The following ANK3 variants were observed in gnomAD, a reference collection of about 807,000 sequenced individuals.
ANK3 encodes the protein ankyrin-3.
ANK3 carries 57 observed loss-of-function variants against 370.9 expected under a neutral mutation model. That is an observed-to-expected ratio of 0.15 (90% CI 0.12 to 0.19). The LOEUF (loss-of-function observed/expected upper bound fraction) is 0.19, where lower values mean the gene tolerates loss of function less well. ANK3 is among the 10% of genes least tolerant of loss of function. The pLI, the probability that ANK3 is intolerant of heterozygous loss-of-function variation, is 1.00. For missense variants in ANK3, 4,439 were observed against 5,302.1 expected (o/e 0.84, Z 5.06); for synonymous variants, 1,929 against 1,946.3 (o/e 0.99, Z 0.23).
intron 25 of ANK3, among the ~76,000 whole-genome samples, chr10:60,126,595 T>C (rs1451991257): frequency 1.3e-5 from 2 of 151,112 alleles, no homozygotes; most frequent in Non-Finnish European, 2.9e-5. Flanking sequence ...GGCTGAGGCA[T>C]GAAAACTGCT....
At chr10:60,726,086 A>C (rs1381131750) in intron 1 of ANK3, among the ~76,000 whole-genome samples, 3 of 152,192 alleles carry the variant, frequency 2.0e-5, no homozygotes, top group African/African-American at 7.2e-5. Flanking sequence ...CAACGATGAT[A>C]GCTTCTGGTA....
chr10:60,393,093 A>G (rs2063146474), upstream of ANK3, among the ~76,000 whole-genome samples: 1 of 152,238 alleles, frequency 6.6e-6, no homozygotes, highest in Admixed American at 6.5e-5. Flanking sequence ...GTACAGAGAG[A>G]TCTTTCAAAT....
chr10:60,167,092 A>T (rs527851758), intron 21 of ANK3, among the ~76,000 whole-genome samples, 196 bp from the exon 22 acceptor site: 1 of 152,336 alleles, frequency 6.6e-6, no homozygotes, highest in East Asian at 1.9e-4. Context: ...GCACAGGAGT[A>T]CAAAATGAAA....
At chr10:60,366,600 G>C (rs1275344240) in intron 1 of ANK3, among the ~76,000 whole-genome samples, 1 of 151,962 alleles carries the variant, frequency 6.6e-6, no homozygotes, top group Admixed American at 6.6e-5. Flanking sequence ...GAAGAAAGAA[G>C]GGGGAAGAAG....
intron 21 of ANK3, among the ~76,000 whole-genome samples, chr10:60,169,163 C>T (rs1361422166): frequency 6.6e-6 from 1 of 152,152 alleles, no homozygotes; most frequent in Non-Finnish European, 1.5e-5. Flanking sequence ...TGCCCACCAA[C>T]AGTGTAAAAG....
intron 1 of ANK3, among the ~76,000 whole-genome samples, chr10:60,355,400 C>T (rs2057565757): frequency 6.6e-6 from 1 of 152,024 alleles, no homozygotes; most frequent in African/African-American, 2.4e-5. Flanking sequence ...GTGCCACTGT[C>T]TTGAATAGCC....
At chr10:60,701,208 C>T (rs2079541373) in intron 1 of ANK3, among the ~76,000 whole-genome samples, 1 of 151,678 alleles carries the variant, frequency 6.6e-6, no homozygotes, top group Non-Finnish European at 1.5e-5. Flanking sequence ...TTATTTTACT[C>T]ATTAAATTGG....
chr10:60,632,480 A>G (rs1431423218), intron 1 of ANK3, among the ~76,000 whole-genome samples: 2 of 152,194 alleles, frequency 1.3e-5, no homozygotes, highest in African/African-American at 2.4e-5. Context: ...AGGGCATGGT[A>G]GCTCGTACCT....
At chr10:60,210,587 C>A (rs559166322) in intron 9 of ANK3, among the ~76,000 whole-genome samples, 1 of 152,166 alleles carries the variant, frequency 6.6e-6, no homozygotes, top group African/African-American at 2.4e-5. Context: ...GACTTCTGAT[C>A]AAACACAGCA....
At chr10:60,097,410 G>C (rs2090354371) in intron 28 of ANK3, among the ~76,000 whole-genome samples, 1 of 152,146 alleles carries the variant, frequency 6.6e-6, no homozygotes, top group Admixed American at 6.5e-5. Flanking sequence ...TAAGCAGCAG[G>C]CCTGATTACA....
chr10:60,035,931 A>G (rs1340125168), intron 43 of ANK3, among the ~76,000 whole-genome samples: 3 of 152,058 alleles, frequency 2.0e-5, no homozygotes, highest in African/African-American at 7.2e-5. Flanking sequence ...TATTTACTCT[A>G]TATGAATTCC....
chr10:60,199,978 T>A, intron 13 of ANK3, 151 bp downstream of exon 13: 1 of 613,818 alleles, frequency 1.6e-6, no homozygotes, highest in South Asian at 2.0e-5. Context: ...AGGGATTTTT[T>A]ACAATGTTAC....
rs908094412 is a variant in ANK3 at position 60,083,571 on chromosome 10, G to C, written c.4121C>G (p.Ala1374Gly). 1 of 1,610,488 alleles carries C rather than the reference G, an allele frequency of 6.2e-7. No individual in the cohort carries two copies. Among genetic ancestry groups the C allele is most frequent in the Non-Finnish European group, 8.5e-7 (1 of 1,178,238 alleles). Reference protein sequence around the residue: ...PIYVDCYGNLAPLTKGGQQLV... With the variant: ...PIYVDCYGNLGPLTKGGQQLV... Reference sequence around the variant, plus strand: ...TTGCTGTCCTCCTTTGGTAAGTGGGGCCAAATTTCCATAACAATCAACATA... The same window carrying C: ...TTGCTGTCCTCCTTTGGTAAGTGGGCCCAAATTTCCATAACAATCAACATA... The change falls in exon 33 of 44, where the codon GCC (alanine) becomes GGC (glycine). Residue 1374 changes from alanine (A) to glycine (G), a missense_variant. By Grantham distance (60) the Ala-to-Gly change is moderately conservative (BLOSUM62 0). This residue lies in a region of ANK3 where 702 missense variants were observed against 941.5 expected (regional missense o/e 0.75). Transcript: ENST00000280772.
At chr10:60,448,446 C>G (rs1210521733) in intron 2 of ANK3, among the ~76,000 whole-genome samples, 1 of 152,208 alleles carries the variant, frequency 6.6e-6, no homozygotes, top group Non-Finnish European at 1.5e-5. Context: ...GGCAGAGGAA[C>G]AGAAAAGCAG....
At chr10:60,465,228 G>A (rs1353948775) in intron 2 of ANK3, among the ~76,000 whole-genome samples, 1 of 150,976 alleles carries the variant, frequency 6.6e-6, no homozygotes, top group East Asian at 1.9e-4. Flanking sequence ...CTGCACTCCA[G>A]TCTCCAGCCT....
At chr10:60,535,383 T>G (rs1054543426) in intron 2 of ANK3, among the ~76,000 whole-genome samples, 2 of 152,130 alleles carry the variant, frequency 1.3e-5, no homozygotes, top group African/African-American at 4.8e-5. Flanking sequence ...CAACAGAAAT[T>G]GTCCTGTCTC....
chr10:60,613,464 C>G (rs1459102414), intron 2 of ANK3, among the ~76,000 whole-genome samples: 4 of 152,098 alleles, frequency 2.6e-5, no homozygotes, highest in Non-Finnish European at 5.9e-5. Context: ...TACTTTTGCT[C>G]CTTAAAATTA....
chr10:60,359,060 C>T lies in ANK3; in HGVS notation c.114+30365G>A, dbSNP rs146473566. ...CACATGTTGATTGTTTGACTATCTC[C>T]ACTAGCTATAAGCCCTATTCTTGCA... On this transcript the variant is annotated intron_variant, in intron 1 of 43. Transcript: ENST00000280772. Among the ~76,000 whole-genome samples, 121 of 152,230 alleles carry T rather than the reference C, an allele frequency of 7.9e-4. 1 individual carries two copies. Among genetic ancestry groups the T allele is most frequent in the African/African-American group, 2.8e-3 (118 of 41,528 alleles).
chr10:60,400,035 T>C (rs1664143209), intron 2 of ANK3, among the ~76,000 whole-genome samples: 1 of 150,474 alleles, frequency 6.6e-6, no homozygotes. Context: ...TGTGTGTGTG[T>C]GTGTGTGTGT....
Sources: gnomAD v4.1 joint callset for allele counts (sites outside exome capture counted in the v4.1 genomes callset) on GRCh38, gnomAD v4.1.1 for gene constraint, gnomAD v4.1.1 regional missense constraint, MANE v1.5 for transcripts, NCBI Gene and HGNC (gene_info 2026-07-23, HGNC 2026-07-21) for gene names.